CDYL2: variants seen among roughly 807,000 people sequenced by gnomAD.
CDYL2 encodes the protein chromodomain Y like 2, also known as chromodomain Y-like protein 2.
A neutral mutation model predicts 49.4 loss-of-function variants in CDYL2; 23 were observed. The ratio of observed to expected loss-of-function variants is 0.47; its 90% CI spans 0.34 to 0.66. The LOEUF (loss-of-function observed/expected upper bound fraction) is 0.66. CDYL2 is among the 30% of genes least tolerant of loss of function. CDYL2 has a pLI of 0.01. For synonymous variants in CDYL2, 360 were observed against 268.8 expected (o/e 1.34, Z -3.32); for missense variants, 678 against 656.4 (o/e 1.03, Z -0.36).
At chr16:80,618,163 T>C (rs557191372) in intron 4 of CDYL2, among the ~76,000 whole-genome samples, 1 of 152,362 alleles carries the variant, frequency 6.6e-6, no homozygotes, top group South Asian at 2.1e-4. Context: ...TGCCCTGTGC[T>C]CTGCCTAAGG....
chr16:80,712,134 T>G (rs905696927), intron 1 of CDYL2, among the ~76,000 whole-genome samples: 1 of 148,092 alleles, frequency 6.8e-6, no homozygotes, highest in Non-Finnish European at 1.5e-5. Context: ...TATATATGTG[T>G]GTACATATAT....
intron 1 of CDYL2, among the ~76,000 whole-genome samples, chr16:80,685,455 C>T (rs1048509834): frequency 6.6e-6 from 1 of 152,212 alleles, no homozygotes; most frequent in Non-Finnish European, 1.5e-5. Flanking sequence ...CACAAGAGAT[C>T]TTTATTCTTT....
At chr16:80,665,847 T>C (rs1362966865) in intron 2 of CDYL2, among the ~76,000 whole-genome samples, 1 of 152,228 alleles carries the variant, frequency 6.6e-6, no homozygotes, top group Admixed American at 6.5e-5. Flanking sequence ...CAGAGTCCAC[T>C]GTCCTGCAAC....
intron 1 of CDYL2, among the ~76,000 whole-genome samples, chr16:80,780,948 A>C (rs1016775453): frequency 6.6e-6 from 1 of 152,312 alleles, no homozygotes; most frequent in South Asian, 2.1e-4. Flanking sequence ...GCTCAATCTC[A>C]GTAAGAACAG....
At chr16:80,793,926 T>C (rs1300424450) in intron 1 of CDYL2, among the ~76,000 whole-genome samples, 1 of 152,226 alleles carries the variant, frequency 6.6e-6, no homozygotes, top group Admixed American at 6.5e-5. Flanking sequence ...AATTTCTTTC[T>C]GCATTTGGTT....
chr16:80,692,900 C>T (rs779891962), intron 1 of CDYL2, among the ~76,000 whole-genome samples: 13 of 152,088 alleles, frequency 8.5e-5, no homozygotes, highest in Non-Finnish European at 1.3e-4. Context: ...CATTTTTTCT[C>T]ATAACAGACA....
intron 1 of CDYL2, among the ~76,000 whole-genome samples, chr16:80,688,090 G>C (rs532506209): frequency 2.6e-5 from 4 of 152,348 alleles, no homozygotes; most frequent in South Asian, 2.1e-4. Flanking sequence ...GCAGGGTCTA[G>C]ATGGCTATTT....
In CDYL2 at chr16:80,600,506, A is replaced by T. The variant is rs1906035817; in HGVS notation, c.*3882T>A. 6.6e-6 allele frequency: 1 copy of T among 152,240 alleles called. No individual in the cohort carries two copies. Among genetic ancestry groups the T allele is most frequent in the Non-Finnish European group, 1.5e-5 (1 of 68,040 alleles). The allele number at this position is 152,240 out of a possible 1,614,324, so 9.4% of individuals were successfully genotyped here. On this transcript the variant is annotated 3_prime_UTR_variant, in exon 7 of 7. Transcript: ENST00000570137. ...AAATATCTACAAAGGCAAAGTGTAG[A>T]TGTTTAAAGATTATACAAAACCATT...
chr16:80,677,592 A>G (rs1012330480), intron 2 of CDYL2, among the ~76,000 whole-genome samples: 3 of 152,004 alleles, frequency 2.0e-5, no homozygotes, highest in Non-Finnish European at 4.4e-5. Flanking sequence ...AAAAAAAATC[A>G]GCTGGGCATG....
intron 1 of CDYL2, among the ~76,000 whole-genome samples, chr16:80,699,472 T>C (rs180837544): frequency 1.2e-4 from 18 of 152,218 alleles, no homozygotes; most frequent in Middle Eastern, 3.4e-3. Flanking sequence ...GTTGATCTCA[T>C]AGAAGTAGAG....
intron 2 of CDYL2, among the ~76,000 whole-genome samples, chr16:80,677,179 C>T (rs1205136306): frequency 1.3e-5 from 2 of 151,602 alleles, no homozygotes; most frequent in African/African-American, 2.4e-5. Context: ...GCCATGTTGC[C>T]CAGGCTGGTC....
intron 3 of CDYL2, among the ~76,000 whole-genome samples, chr16:80,624,192 G>C (rs1047918889): frequency 6.6e-6 from 1 of 152,188 alleles, no homozygotes; most frequent in Non-Finnish European, 1.5e-5. Flanking sequence ...AAAGGTACAG[G>C]CTTTGGAGAC....
At chr16:80,740,833 TGTG>T (rs1443557423) in intron 1 of CDYL2, among the ~76,000 whole-genome samples, 1 of 150,602 alleles carries the variant, frequency 6.6e-6, no homozygotes, top group Non-Finnish European at 1.5e-5. Flanking sequence ...AAAACTTAAC[TGTG>T]ATACACTAAA....
intron 3 of CDYL2, among the ~76,000 whole-genome samples, chr16:80,622,086 C>G (rs1907107843): frequency 6.6e-6 from 1 of 152,212 alleles, no homozygotes; most frequent in African/African-American, 2.4e-5. Flanking sequence ...GATTTGAGCC[C>G]TGGCCTGGCT....
At chr16:80,773,367 T>C (rs1329819339) in intron 1 of CDYL2, among the ~76,000 whole-genome samples, 2 of 152,086 alleles carry the variant, frequency 1.3e-5, no homozygotes, top group Non-Finnish European at 2.9e-5. Context: ...AATAGACATT[T>C]CCATAATCGG....
In CDYL2 at chr16:80,697,972, G is replaced by A. The variant is rs113985225; in HGVS notation, c.25-12843C>T. On this transcript the variant is annotated intron_variant, in intron 1 of 6. Coordinates refer to ENST00000570137, the MANE Select transcript of CDYL2 (RefSeq NM_152342.4). The stretch of plus-strand genomic sequence containing the variant: ...TATTGTTAAAATGGCCATACTAGCC[G>A]AAATGATCTGCAAAGTCAGTGCAAT... Among the ~76,000 whole-genome samples, 43 of 152,096 alleles carry A rather than the reference G, an allele frequency of 2.8e-4. 1 individual carries two copies. Among genetic ancestry groups the A allele is most frequent in the African/African-American group, 7.9e-4 (33 of 41,516 alleles).
chr16:80,783,762 C>A (rs1907346038), intron 1 of CDYL2, among the ~76,000 whole-genome samples: 1 of 152,104 alleles, frequency 6.6e-6, no homozygotes, highest in Non-Finnish European at 1.5e-5. Flanking sequence ...CATGGCTGAG[C>A]CACAGAAACA....
intron 1 of CDYL2, among the ~76,000 whole-genome samples, chr16:80,779,971 A>T (rs1296422705): frequency 6.6e-6 from 1 of 152,190 alleles, no homozygotes; most frequent in African/African-American, 2.4e-5. Flanking sequence ...AAAGCATATA[A>T]TGAAGAGAAG....
intron 3 of CDYL2, among the ~76,000 whole-genome samples, chr16:80,621,756 G>T (rs1028455588): frequency 2.0e-5 from 3 of 152,150 alleles, no homozygotes; most frequent in Admixed American, 2.0e-4. Flanking sequence ...TGCCATCATG[G>T]GACAAGTTCC....
Sources: gnomAD v4.1 joint callset for allele counts (sites outside exome capture counted in the v4.1 genomes callset) on GRCh38, gnomAD v4.1.1 for gene constraint, MANE v1.5 for transcripts, NCBI Gene and HGNC (gene_info 2026-07-23, HGNC 2026-07-21) for gene names.